Variants in ANKMY1 observed in about 807,000 individuals in gnomAD.
ANKMY1 encodes ankyrin repeat and MYND domain-containing protein 1.
ANKMY1 carries 98 observed loss-of-function variants against 102.0 expected under a neutral mutation model. That is an observed-to-expected ratio of 0.96 (90% CI 0.82 to 1.14). The LOEUF is 1.14. ANKMY1 is among the 50% of genes most tolerant of loss of function. The probability of loss-of-function intolerance (pLI) is 0.00; values close to 1 mark genes in which losing one functional copy is unlikely to be tolerated. For missense variants in ANKMY1, 1,330 were observed against 1,347.6 expected, an observed-to-expected ratio of 0.99 and a Z score of 0.20; for synonymous variants, 582 against 559.9, an observed-to-expected ratio of 1.04 and a Z score of -0.56.
At chr2:240,557,123 G>T in intron 2 of ANKMY1, 67 bp downstream of exon 2, 7 of 1,385,264 alleles carry the variant, frequency 5.1e-6, no homozygotes, top group Non-Finnish European at 4.7e-6. Flanking sequence ...CTTGCCTTAA[G>T]GAGAATCCCG....
intron 5 of ANKMY1, chr2:240,527,791 GCC>G (rs2084181456): frequency 6.6e-6 from 1 of 151,542 alleles, no homozygotes; most frequent in African/African-American, 2.4e-5. Context: ...ATGAACAGAT[GCC>G]TGAAAGAATG....
Position 240,520,560 on chromosome 2 carries a change from C to T in ANKMY1, c.1833-27G>A, listed in dbSNP as rs757902398. 3.1e-6 allele frequency: 5 copies of T among 1,596,796 alleles called. No homozygotes were observed. In the Admixed American group the frequency reaches 8.5e-5, roughly 27 times the overall value. On this transcript the variant is annotated intron_variant, in intron 8 of 17. Coordinates refer to ENST00000401804, the MANE Select transcript of ANKMY1 (RefSeq NM_001282771.3). This position sits in a 1 kb window ranked among gnomAD's most constrained non-coding sequence, Gnocchi z 4.8. Reference sequence around the variant, plus strand: ...TGAAAAAGACGGTGCGCCCGTGGGCCCCTGGAGGGCAGGCACCTGCACTGC... The same window carrying T: ...TGAAAAAGACGGTGCGCCCGTGGGCTCCTGGAGGGCAGGCACCTGCACTGC...
intron 15 of ANKMY1, among the ~76,000 whole-genome samples, chr2:240,490,956 A>G (rs980438351): frequency 6.6e-6 from 1 of 152,152 alleles, no homozygotes; most frequent in African/African-American, 2.4e-5. Flanking sequence ...ATTGTATTGC[A>G]GTATATCTAT....
chr2:240,529,466 G>C lies in ANKMY1; in HGVS notation c.524C>G (p.Thr175Ser). 1 of 1,613,842 alleles carries C rather than the reference G, an allele frequency of 6.2e-7. No individual in the cohort carries two copies. The highest frequency in any genetic ancestry group is 8.5e-7 in the Non-Finnish European group (1 of 1,179,964). Residue 175 changes from threonine (T) to serine (S), a missense_variant, in exon 5 of 18, where the codon ACC becomes AGC. Thr to Ser is a moderately conservative substitution (Grantham distance 58, BLOSUM62 1). Transcript: ENST00000401804. The surrounding 1 kb of genome is among the most constrained non-coding windows in gnomAD (Gnocchi z 4.2). ...ADQRFGPGVE[T>S]YPDGSQDVGL... Reference sequence around the variant, plus strand: ...CACGTCCTGGCTGCCATCGGGGTAGGTCTCGACACCTGGCCCAAACCGCTG... The same window carrying C: ...CACGTCCTGGCTGCCATCGGGGTAGCTCTCGACACCTGGCCCAAACCGCTG...
intron 5 of ANKMY1, among the ~76,000 whole-genome samples, chr2:240,528,587 G>A (rs976567898): frequency 1.3e-5 from 2 of 152,058 alleles, no homozygotes; most frequent in Non-Finnish European, 1.5e-5. Context: ...TGCAACGGTG[G>A]GGGCAGGGCA....
chr2:240,507,427 A>C, intron 13 of ANKMY1, 133 bp downstream of exon 13: 2 of 888,472 alleles, frequency 2.3e-6, no homozygotes, highest in Non-Finnish European at 2.9e-6. Context: ...CCCAGCCCTT[A>C]TACCCCTCAC....
At chr2:240,548,660 G>A (rs2090917788) in intron 4 of ANKMY1, among the ~76,000 whole-genome samples, 1 of 151,764 alleles carries the variant, frequency 6.6e-6, no homozygotes, top group Non-Finnish European at 1.5e-5. Context: ...AGCAACTTCA[G>A]CAAAGTCTCA....
chr2:240,555,146 T>C (rs958787675), intron 2 of ANKMY1, 91 bp from the exon 3 acceptor site: 1 of 1,354,082 alleles, frequency 7.4e-7, no homozygotes, highest in Non-Finnish European at 1.0e-6. Flanking sequence ...CAACCCAGCA[T>C]CTCATTTCAT....
At chr2:240,496,476 C>A (rs2151979248) in intron 15 of ANKMY1, among the ~76,000 whole-genome samples, 1 of 152,028 alleles carries the variant, frequency 6.6e-6, no homozygotes, top group East Asian at 1.9e-4. Flanking sequence ...TTTTTTCTCT[C>A]TTAGTCTCCC....
At chr2:240,489,816 G>C (rs534664157) in intron 15 of ANKMY1, among the ~76,000 whole-genome samples, 118 of 152,298 alleles carry the variant, frequency 7.7e-4, no homozygotes, top group African/African-American at 2.8e-3. Flanking sequence ...TAATTTTTTG[G>C]AATGGTTTCA....
intron 4 of ANKMY1, among the ~76,000 whole-genome samples, chr2:240,537,175 G>A (rs1339483992): frequency 1.3e-5 from 2 of 152,170 alleles, no homozygotes; most frequent in Non-Finnish European, 2.9e-5. Context: ...ACTTCAGTCA[G>A]GCCCCCACCC....
chr2:240,557,859 C>A (rs2092568948), intron 1 of ANKMY1, 22 bp downstream of exon 1: 4 of 984,880 alleles, frequency 4.1e-6, no homozygotes, highest in South Asian at 4.7e-5. Flanking sequence ...CGGCTCCCAG[C>A]GCTCCTGTCG....
At position 240,553,056 on chromosome 2, in the gene ANKMY1, G is replaced by C; in HGVS notation, c.338C>G (p.Ser113Ter). The change falls in exon 4 of 18, where the codon TCA becomes TGA. Residue 113 changes from serine (S) to a stop codon, truncating the protein, a stop_gained and splice_region_variant. Coordinates refer to ENST00000401804, the MANE Select transcript of ANKMY1 (RefSeq NM_001282771.3). LOFTEE classifies it high-confidence loss of function. ...YGKFSWPTGE[S>*]YHGQFYRDHC... is the part of the protein sequence containing the mutation. ...GTCCCGGTAAAACTGCCCATGGTAT[G>C]ACTGTGAGATGGAGAAGTTGGTGAG... is the stretch of plus-strand genomic sequence containing the variant. 6.2e-7 allele frequency: 1 copy of C among 1,612,688 alleles called. No individual in the cohort carries two copies. The highest frequency in any genetic ancestry group is 8.5e-7 in the Non-Finnish European group (1 of 1,178,938).
the ANKMY1 span, among the ~76,000 whole-genome samples, chr2:240,472,570 C>T: frequency 6.6e-6 from 1 of 152,202 alleles, no homozygotes; most frequent in Admixed American, 6.5e-5. Context: ...CCCTGTTCCT[C>T]AAGGTCTTAG....
At chr2:240,545,851 G>A (rs139543626) in intron 4 of ANKMY1, among the ~76,000 whole-genome samples, 12,579 of 152,202 alleles carry the variant, frequency 0.083, 688 homozygotes, top group Non-Finnish European at 0.12. Flanking sequence ...CAAGAAATAC[G>A]GGACTATGTG....
chr2:240,482,554 C>T (rs575430702), intron 15 of ANKMY1, among the ~76,000 whole-genome samples: 1 of 152,360 alleles, frequency 6.6e-6, no homozygotes, highest in Non-Finnish European at 1.5e-5. Context: ...CAAATTTCCC[C>T]TTTGGGTTCT....
chr2:240,492,702 T>C (rs1021069023), intron 15 of ANKMY1, among the ~76,000 whole-genome samples: 2 of 152,210 alleles, frequency 1.3e-5, no homozygotes, highest in African/African-American at 4.8e-5. Flanking sequence ...AATTTTTTTT[T>C]AAATTTGAGA....
intron 4 of ANKMY1, among the ~76,000 whole-genome samples, chr2:240,534,750 G>C (rs2086313233): frequency 6.6e-6 from 1 of 152,200 alleles, no homozygotes; most frequent in South Asian, 2.1e-4. Flanking sequence ...ATCACAGTGA[G>C]AGATTCTAAC....
upstream of ANKMY1, chr2:240,560,121 G>A (rs925839141): frequency 1.6e-4 from 25 of 152,528 alleles, no homozygotes; most frequent in African/African-American, 5.8e-4. Context: ...ATAATACATA[G>A]AAAAAAATGC....
Sources: gnomAD v4.1 joint callset for allele counts (sites outside exome capture counted in the v4.1 genomes callset) on GRCh38, gnomAD v4.1.1 for gene constraint, Gnocchi (gnomAD v3.1) non-coding constraint, MANE v1.5 for transcripts, NCBI Gene and HGNC (gene_info 2026-07-23, HGNC 2026-07-21) for gene names.